Variants in TFEC observed in about 807,000 individuals in gnomAD.
TFEC encodes the protein class E basic helix-loop-helix protein 34.
In TFEC, 31 loss-of-function variants were observed where a neutral mutation model predicts 41.6. That is an observed-to-expected ratio of 0.74 (90% CI 0.56 to 1.01). The LOEUF (loss-of-function observed/expected upper bound fraction) is 1.01. Ranked by LOEUF, TFEC falls within the 50% of genes least tolerant of loss-of-function variation. The pLI, the probability that TFEC is intolerant of heterozygous loss-of-function variation, is 0.00. For missense variants in TFEC, 402 were observed against 404.1 expected, an observed-to-expected ratio of 0.99 and a Z score of 0.04; for synonymous variants, 143 against 140.6, an observed-to-expected ratio of 1.02 and a Z score of -0.12.
chr7:115,984,543 G>A, intron 1 of TFEC, 30 bp from the exon 2 acceptor site: 1 of 1,605,644 alleles, frequency 6.2e-7, no homozygotes, highest in South Asian at 1.1e-5. Flanking sequence ...CAAATACAAT[G>A]TGCAGCATCA....
intron 1 of TFEC, among the ~76,000 whole-genome samples, chr7:116,008,485 G>A (rs928337481): frequency 6.6e-6 from 1 of 152,032 alleles, no homozygotes; most frequent in African/African-American, 2.4e-5. Flanking sequence ...TTTAATAAAT[G>A]AACTAAAACT....
At chr7:116,010,945 A>G (rs1254104879) in intron 1 of TFEC, among the ~76,000 whole-genome samples, 4 of 152,172 alleles carry the variant, frequency 2.6e-5, no homozygotes, top group South Asian at 4.1e-4. Flanking sequence ...TATAACTTTC[A>G]TATTAGCAGT....
In TFEC at chr7:115,971,937, A is replaced by G. The variant is rs537337530; in HGVS notation, c.267+2233T>C. Among the ~76,000 whole-genome samples, 22 of 152,194 alleles carry G rather than the reference A, an allele frequency of 1.4e-4. 1 individual carries two copies. In the South Asian group the frequency reaches 2.3e-3, roughly 16 times the overall value. On this transcript the variant is annotated intron_variant, in intron 3 of 7. Coordinates refer to ENST00000265440, the MANE Select transcript of TFEC (RefSeq NM_012252.4). ...AATTCCTTTCATGCTTAAGCCCCTT[A>G]TGAGTCAGGTTAACCACCTGCAACC... is the stretch of plus-strand genomic sequence containing the variant.
chr7:116,055,078 C>T (rs1796396499), intron 3 of TFEC, among the ~76,000 whole-genome samples: 1 of 152,070 alleles, frequency 6.6e-6, no homozygotes, highest in Non-Finnish European at 1.5e-5. Flanking sequence ...TAATAGGATG[C>T]CAGTGGGCAA....
At chr7:116,122,600 G>T (rs1240977131) in intron 1 of TFEC, among the ~76,000 whole-genome samples, 2 of 151,998 alleles carry the variant, frequency 1.3e-5, no homozygotes. Context: ...TATGTACCAG[G>T]CCCTTTAGCA....
At chr7:116,122,895 G>T (rs1355207889) in intron 1 of TFEC, among the ~76,000 whole-genome samples, 1 of 152,062 alleles carries the variant, frequency 6.6e-6, no homozygotes, top group Admixed American at 6.6e-5. Flanking sequence ...CTATGTAATA[G>T]ATGCCCTTTC....
chr7:115,965,884 C>A (rs2896170), intron 3 of TFEC, among the ~76,000 whole-genome samples: 1 of 151,430 alleles, frequency 6.6e-6, no homozygotes, highest in African/African-American at 2.4e-5. Flanking sequence ...TATTTTATAT[C>A]TGATCTATCA....
intron 5 of TFEC, among the ~76,000 whole-genome samples, chr7:115,952,273 C>A (rs1037956876): frequency 6.6e-6 from 1 of 151,844 alleles, no homozygotes; most frequent in Admixed American, 6.6e-5. Context: ...ATTCAAATAA[C>A]AGCAAAATGA....
intron 1 of TFEC, chr7:116,157,462 A>G (rs774868974): frequency 6.6e-6 from 1 of 152,206 alleles, no homozygotes; most frequent in Non-Finnish European, 1.5e-5. Context: ...TGCATATAGA[A>G]TAACACAATA....
At chr7:116,013,151 A>C in intron 1 of TFEC, among the ~76,000 whole-genome samples, 1 of 152,102 alleles carries the variant, frequency 6.6e-6, no homozygotes, top group East Asian at 1.9e-4. Context: ...GGTAGATAAA[A>C]CCAGTATTTC....
intron 3 of TFEC, among the ~76,000 whole-genome samples, chr7:116,063,387 CA>C (rs1584470931): frequency 6.6e-6 from 1 of 152,102 alleles, no homozygotes; most frequent in East Asian, 1.9e-4. Flanking sequence ...GAGGCTGAGG[CA>C]GGTGAATCAT....
chr7:116,027,730 T>C (rs1795640598), intron 1 of TFEC, among the ~76,000 whole-genome samples: 1 of 152,210 alleles, frequency 6.6e-6, no homozygotes, highest in African/African-American at 2.4e-5. Context: ...AAGAAGTCTC[T>C]GGCTCAGTGG....
chr7:116,158,468 CAACT>C (rs1367168263), intron 1 of TFEC, among the ~76,000 whole-genome samples: 4 of 152,032 alleles, frequency 2.6e-5, no homozygotes, highest in South Asian at 2.1e-4. Flanking sequence ...GTAATTTAAG[CAACT>C]AACTATATAT....
intron 3 of TFEC, among the ~76,000 whole-genome samples, chr7:115,973,683 C>A (rs1463999469): frequency 6.6e-6 from 1 of 151,926 alleles, no homozygotes; most frequent in Non-Finnish European, 1.5e-5. Context: ...CCTGTTCTAT[C>A]TTTTTCGATT....
At chr7:116,129,781 T>TA (rs1306267454) in intron 1 of TFEC, among the ~76,000 whole-genome samples, 1 of 151,730 alleles carries the variant, frequency 6.6e-6, no homozygotes, top group East Asian at 1.9e-4. Context: ...TCATCCCTAC[T>TA]AAAAACCCAA....
intron 1 of TFEC, among the ~76,000 whole-genome samples, chr7:116,146,348 G>A (rs1408885231): frequency 6.6e-6 from 1 of 152,092 alleles, no homozygotes; most frequent in Non-Finnish European, 1.5e-5. Context: ...CAGGAGCCTT[G>A]AAAAAAGAGC....
intron 3 of TFEC, among the ~76,000 whole-genome samples, chr7:116,054,792 A>G (rs1165323659): frequency 2.6e-5 from 4 of 152,152 alleles, no homozygotes; most frequent in Non-Finnish European, 4.4e-5. Flanking sequence ...ACTGGAACCA[A>G]TATCTCAACT....
chr7:116,097,205 T>A (rs1386300662), intron 3 of TFEC, among the ~76,000 whole-genome samples: 1 of 152,148 alleles, frequency 6.6e-6, no homozygotes, highest in African/African-American at 2.4e-5. Context: ...CAGGAGACTA[T>A]GAAGTATGTA....
intron 1 of TFEC, among the ~76,000 whole-genome samples, chr7:116,130,660 T>C: frequency 6.6e-6 from 1 of 152,178 alleles, no homozygotes; most frequent in East Asian, 1.9e-4. Flanking sequence ...TTGTCCAGAT[T>C]GGAGTGCAGT....
Sources: gnomAD v4.1 joint callset for allele counts (sites outside exome capture counted in the v4.1 genomes callset) on GRCh38, gnomAD v4.1.1 for gene constraint, MANE v1.5 for transcripts, NCBI Gene and HGNC (gene_info 2026-07-23, HGNC 2026-07-21) for gene names.